RIPOR1: variants seen among roughly 807,000 people sequenced by gnomAD.
RIPOR1 encodes the protein RHO family interacting cell polarization regulator 1, also known as rho family-interacting cell polarization regulator 1.
In RIPOR1, 58 loss-of-function variants were observed where a neutral mutation model predicts 116.5. The observed-to-expected ratio is 0.50, with a 90% confidence interval of 0.40 to 0.62. The LOEUF (loss-of-function observed/expected upper bound fraction) is 0.62, where lower values mean the gene tolerates loss of function less well. Among genes scored for constraint, RIPOR1 ranks in the 20% least tolerant of loss-of-function variants. The pLI is 0.00. For synonymous variants in RIPOR1, 605 were observed against 650.0 expected (o/e 0.93, Z 1.05); for missense variants, 1,372 against 1,586.2 (o/e 0.86, Z 2.29).
In RIPOR1 at chr16:67,545,759, C is replaced by T. The variant is rs369188052; in HGVS notation, c.3286C>T (p.Arg1096Trp). The change falls in exon 19 of 22, where the codon CGG becomes TGG. Residue 1096 changes from arginine (R) to tryptophan (W), a missense_variant. Arg to Trp is a moderately radical substitution (Grantham distance 101, BLOSUM62 -3). Transcript: ENST00000042381. The surrounding 1 kb of genome is among the most constrained non-coding windows in gnomAD (Gnocchi z 4.8). ...PEGRLRRDGL[R>W]ALSSLLVHGN... ...GGGGCGTCTGCGAAGGGACGGGCTG[C>T]GGGCCCTCAGCTCCCTGCTCGTCCA... 1.0e-4 allele frequency: 164 copies of T among 1,612,202 alleles called. No homozygotes were observed. Among genetic ancestry groups the T allele is most frequent in the South Asian group, 1.2e-4 (11 of 90,778 alleles).
upstream of RIPOR1, among the ~76,000 whole-genome samples, chr16:67,526,212 T>G (rs2050538634): frequency 6.6e-6 from 1 of 152,086 alleles, no homozygotes; most frequent in Non-Finnish European, 1.5e-5. Context: ...TGAGCTGTTT[T>G]CCAAGTGGAT....
At position 67,542,722 on chromosome 16, in the gene RIPOR1, A is replaced by C; in HGVS notation, c.1936A>C (p.Ser646Arg). 1.9e-6 allele frequency: 3 copies of C among 1,611,886 alleles called. No individual in the cohort carries two copies. The highest frequency in any genetic ancestry group is 2.5e-6 in the Non-Finnish European group (3 of 1,179,578). The change falls in exon 13 of 22, where the codon AGT becomes CGT. Residue 646 changes from serine to arginine, a missense_variant. Ser to Arg is a moderately radical substitution (Grantham distance 110). Transcript: ENST00000042381. The surrounding 1 kb of genome is among the most constrained non-coding windows in gnomAD (Gnocchi z 4.6). Reference protein sequence around the residue: ...SPPTTTSPTPSGMGLVQTATS... With the variant: ...SPPTTTSPTPRGMGLVQTATS... Reference sequence around the variant, plus strand: ...TCCCACCACTACAAGTCCTACCCCCAGTGGTATGGGCCTAGTCCAGACTGC... The same window carrying C: ...TCCCACCACTACAAGTCCTACCCCCCGTGGTATGGGCCTAGTCCAGACTGC...
intron 1 of RIPOR1, among the ~76,000 whole-genome samples, chr16:67,532,504 C>T (rs1418948386): frequency 2.6e-5 from 4 of 152,070 alleles, no homozygotes; most frequent in South Asian, 2.1e-4. Context: ...TCCACCTCAA[C>T]GTCCCTACCC....
In RIPOR1 at chr16:67,544,001, A is replaced by C. The variant is rs1018279769; in HGVS notation, c.2601-298A>C. ...CCCAGGCTACAGCCCCATGCCCTGC[A>C]CCCTTTGCAGTCCACTTGTCATAAA... On this transcript the variant is annotated intron_variant, in intron 14 of 21. Transcript: ENST00000042381. This position sits in a 1 kb window ranked among gnomAD's most constrained non-coding sequence, Gnocchi z 5.1. Among the ~76,000 whole-genome samples the C allele has an allele frequency of 3.3e-5, 5 of 151,472 alleles. No homozygotes were observed. Among genetic ancestry groups the C allele is most frequent in the Admixed American group, 6.6e-5 (1 of 15,188 alleles).
In RIPOR1 at chr16:67,530,126, G is replaced by A; in HGVS notation, c.-24+1212G>A. ...GGGGTCTGGGTTTGGGTGCGGGTGA[G>A]GGGAGGACTCAGGACTCTGGGCTGG... On this transcript the variant is annotated intron_variant, in intron 1 of 21. Coordinates refer to ENST00000042381, the MANE Select transcript of RIPOR1 (RefSeq NM_024519.4). The surrounding 1 kb of genome is among the most constrained non-coding windows in gnomAD (Gnocchi z 4.5). The A allele has an allele frequency of 1.8e-6, 1 of 553,410 alleles. No homozygotes were observed. Among genetic ancestry groups the A allele is most frequent in the Non-Finnish European group, 3.3e-6 (1 of 307,198 alleles). 34.3% of individuals were successfully genotyped at this position (553,410 alleles called of 1,614,324 possible). A position where few individuals can be genotyped will look rare whatever the true frequency, so the allele number is the denominator to read the frequency against.
In RIPOR1 at chr16:67,544,933, C is replaced by T. The variant is rs369859097; in HGVS notation, c.2870-23C>T. ...TACTCACCTGCCTGCCTGTTGCTGACGGTTTCCCTCACCCCCTCACAGTGG... is the reference window on the plus strand; with the variant it reads ...TACTCACCTGCCTGCCTGTTGCTGATGGTTTCCCTCACCCCCTCACAGTGG... On this transcript the variant is annotated intron_variant, in intron 16 of 21. Transcript: ENST00000042381. The surrounding 1 kb of genome is among the most constrained non-coding windows in gnomAD (Gnocchi z 5.1). 39 of 1,608,902 alleles carry T rather than the reference C, an allele frequency of 2.4e-5. No homozygotes were observed. The East Asian group carries it at 4.5e-4, about 18-fold the overall frequency.
In RIPOR1 at chr16:67,529,924, G is replaced by A; in HGVS notation, c.-24+1010G>A. ...AAGCGAGGATTAGATCTGAGTCCTT[G>A]CCCCTGCGACACCCACCTCCGTGGT... is the stretch of plus-strand genomic sequence containing the variant. On this transcript the variant is annotated intron_variant, in intron 1 of 21. Coordinates refer to ENST00000042381, the MANE Select transcript of RIPOR1 (RefSeq NM_024519.4). The surrounding 1 kb of genome is among the most constrained non-coding windows in gnomAD (Gnocchi z 4.1). 1 of 1,099,614 alleles carries A rather than the reference G, an allele frequency of 9.1e-7. No homozygotes were observed. The highest frequency in any genetic ancestry group is 1.3e-6 in the Non-Finnish European group (1 of 748,188). 68.1% of individuals were successfully genotyped at this position (1,099,614 alleles called of 1,614,324 possible). A position where few individuals can be genotyped will look rare whatever the true frequency, so the allele number is the denominator to read the frequency against.
At position 67,529,834 on chromosome 16, in the gene RIPOR1, G is replaced by C. The variant is rs778032470; in HGVS notation, c.-24+920G>C. On this transcript the variant is annotated intron_variant, in intron 1 of 21. Coordinates refer to ENST00000042381, the MANE Select transcript of RIPOR1 (RefSeq NM_024519.4). This position sits in a 1 kb window ranked among gnomAD's most constrained non-coding sequence, Gnocchi z 4.1. ...ATCTGAGGAGGGTTATGACCATCTG[G>C]CAGATGCAGAAACAGGCCCAGAGAG... is the stretch of plus-strand genomic sequence containing the variant. The C allele has an allele frequency of 6.5e-7, 1 of 1,535,794 alleles. No individual in the cohort carries two copies. Among genetic ancestry groups the C allele is most frequent in the South Asian group, 1.2e-5 (1 of 84,056 alleles).
Position 67,537,521 on chromosome 16 carries a change from C to A in RIPOR1, c.-23-903C>A. ...AGCCCAGCCGGGCGGCTCGAAGTGG[C>A]CAGGGCCGGAAGGTCCGCGGGGGGC... is the stretch of plus-strand genomic sequence containing the variant. On this transcript the variant is annotated intron_variant, in intron 1 of 21. Transcript: ENST00000042381. This position sits in a 1 kb window ranked among gnomAD's most constrained non-coding sequence, Gnocchi z 4.6. The A allele has an allele frequency of 7.7e-7, 1 of 1,305,432 alleles. No homozygotes were observed. The allele number at this position is 1,305,432 out of a possible 1,614,324, so 80.9% of individuals were successfully genotyped here.
chr16:67,531,731 C>T lies in RIPOR1; in HGVS notation c.-24+2817C>T. On this transcript the variant is annotated intron_variant, in intron 1 of 21. Transcript: ENST00000042381. The surrounding 1 kb of genome is among the most constrained non-coding windows in gnomAD (Gnocchi z 4.2). Reference sequence around the variant, plus strand: ...GAGGGACAGGACAAATCCTGAAGGGCCTACGTGGGTCATGTTAGAGAGTCT... The same window carrying T: ...GAGGGACAGGACAAATCCTGAAGGGTCTACGTGGGTCATGTTAGAGAGTCT... 2.6e-6 allele frequency: 1 copy of T among 386,834 alleles called. No homozygotes were observed. The highest frequency in any genetic ancestry group is 1.9e-5 in the South Asian group (1 of 54,014). 24.0% of individuals were successfully genotyped at this position (386,834 alleles called of 1,614,324 possible).
Position 67,541,219 on chromosome 16 carries a change from A to C in RIPOR1, c.802-211A>C, listed in dbSNP as rs2050971307. 1.8e-6 allele frequency: 1 copy of C among 556,610 alleles called. No homozygotes were observed. Among genetic ancestry groups the C allele is most frequent in the African/African-American group, 1.9e-5 (1 of 52,490 alleles). The allele number at this position is 556,610 out of a possible 1,614,324, so 34.5% of individuals were successfully genotyped here. On this transcript the variant is annotated intron_variant, in intron 10 of 21. Coordinates refer to ENST00000042381, the MANE Select transcript of RIPOR1 (RefSeq NM_024519.4). This position sits in a 1 kb window ranked among gnomAD's most constrained non-coding sequence, Gnocchi z 4.6. ...TAGCTGGGACTACAGGTGCACCACC[A>C]TGCCTGGCTAAAAATTTTTTTTTTT...
chr16:67,534,835 C>CTTTTT (rs553858194), intron 1 of RIPOR1, among the ~76,000 whole-genome samples: 29 of 79,022 alleles, frequency 3.7e-4, no homozygotes, highest in East Asian at 7.5e-4. Context: ...TTCTTTTTTT[C>CTTTTT]TTTTTTTTTT....
chr16:67,542,459 C>G lies in RIPOR1; in HGVS notation c.1673C>G (p.Thr558Ser), dbSNP rs920605324. Residue 558 changes from threonine to serine, a missense_variant, in exon 13 of 22, where the codon ACT becomes AGT. This residue lies in a region of RIPOR1 where 1,005 missense variants were observed against 1,144.7 expected (regional missense o/e 0.88). Coordinates refer to ENST00000042381, the MANE Select transcript of RIPOR1 (RefSeq NM_024519.4). The surrounding 1 kb of genome is among the most constrained non-coding windows in gnomAD (Gnocchi z 4.6). ...GGCTCTACCTATAGTGCCATTACCACTACCCACAGTGCTCCAAGCCCCCTC... is the reference window on the plus strand; with the variant it reads ...GGCTCTACCTATAGTGCCATTACCAGTACCCACAGTGCTCCAAGCCCCCTC... The part of the protein sequence containing the change: ...TTGSTYSAIT[T>S]THSAPSPLTH... 6.2e-7 allele frequency: 1 copy of G among 1,613,950 alleles called. No homozygotes were observed. The highest frequency in any genetic ancestry group is 8.5e-7 in the Non-Finnish European group (1 of 1,179,956).
chr16:67,521,628 C>G (rs538730837), intron 1 of RIPOR1, among the ~76,000 whole-genome samples: 1 of 152,274 alleles, frequency 6.6e-6, no homozygotes, highest in South Asian at 2.1e-4. Flanking sequence ...TCAATCGCCC[C>G]ACCCCTTGCC....
chr16:67,545,315 C>G lies in RIPOR1; in HGVS notation c.3032-61C>G. 1 of 1,580,980 alleles carries G rather than the reference C, an allele frequency of 6.3e-7. No individual in the cohort carries two copies. Among genetic ancestry groups the G allele is most frequent in the Non-Finnish European group, 8.6e-7 (1 of 1,161,314 alleles). On this transcript the variant is annotated intron_variant, in intron 17 of 21. Coordinates refer to ENST00000042381, the MANE Select transcript of RIPOR1 (RefSeq NM_024519.4). The surrounding 1 kb of genome is among the most constrained non-coding windows in gnomAD (Gnocchi z 4.8). ...GGACCTGAGCCTGGGATAGGAGCAT[C>G]TCTCCCCTCTAAAAGCTGTGTTCAC... is the stretch of plus-strand genomic sequence containing the variant.
In RIPOR1 at chr16:67,537,114, C is replaced by T. The variant is rs965871880; in HGVS notation, c.-23-1310C>T. 6.6e-5 allele frequency among the ~76,000 whole-genome samples: 10 copies of T among 152,142 alleles called. No individual in the cohort carries two copies. The highest frequency in any genetic ancestry group is 5.9e-4 in the Admixed American group (9 of 15,280). The stretch of plus-strand genomic sequence containing the variant: ...ATTTTTAGTAGAGACGGGGTTTCAC[C>T]TTGTTGGTCAGGCTGATCTCGAATT... On this transcript the variant is annotated intron_variant, in intron 1 of 21. Transcript: ENST00000042381. This position sits in a 1 kb window ranked among gnomAD's most constrained non-coding sequence, Gnocchi z 4.6.
At chr16:67,526,184 C>T (rs2050538298), upstream of RIPOR1, among the ~76,000 whole-genome samples, 1 of 152,086 alleles carries the variant, frequency 6.6e-6, no homozygotes, top group African/African-American at 2.4e-5. Flanking sequence ...ACACAGGTTC[C>T]CTGGAGGAAG....
Position 67,540,188 on chromosome 16 carries a change from C to T in RIPOR1, c.550C>T (p.His184Tyr). ...RDSLAEATRGHREYTESMCLL... is the reference protein window; with the variant it reads ...RDSLAEATRGYREYTESMCLL... ...CAGCCTGGCAGAGGCCACTCGGGGG[C>T]ATCGCGAGTACACGGAGGTGAGGGA... is the stretch of plus-strand genomic sequence containing the variant. Residue 184 changes from histidine to tyrosine, a missense_variant, in exon 7 of 22, where the codon CAT becomes TAT. This residue lies in a region of RIPOR1 where 202 missense variants were observed against 295.9 expected (regional missense o/e 0.68). Transcript: ENST00000042381. The surrounding 1 kb of genome is among the most constrained non-coding windows in gnomAD (Gnocchi z 4.7). 1 of 1,614,106 alleles carries T rather than the reference C, an allele frequency of 6.2e-7. No individual in the cohort carries two copies. The highest frequency in any genetic ancestry group is 8.5e-7 in the Non-Finnish European group (1 of 1,179,982).
In RIPOR1 at chr16:67,543,108, CCAGACCCCA is replaced by C. The variant is rs1555528070; in HGVS notation, c.2323_2331del (p.Gln775_Pro777del). The C allele has an allele frequency of 6.6e-7, 1 of 1,523,690 alleles. No individual in the cohort carries two copies. The highest frequency in any genetic ancestry group is 8.8e-7 in the Non-Finnish European group (1 of 1,138,122). The allele number at this position is 1,523,690 out of a possible 1,614,324, so 94.4% of individuals were successfully genotyped here. On this transcript the variant is annotated inframe_deletion, in exon 13 of 22. Coordinates refer to ENST00000042381, the MANE Select transcript of RIPOR1 (RefSeq NM_024519.4). This position sits in a 1 kb window ranked among gnomAD's most constrained non-coding sequence, Gnocchi z 4.7. ...CAGACCTTTGCCTGGCCATGGCTGT[CCAGACCCCA>C]GTCCCAACGGCAGCCGGAGGGTCTG... is the stretch of plus-strand genomic sequence containing the variant.
Sources: allele counts gnomAD v4.1 joint callset (sites outside exome capture counted in the v4.1 genomes callset), GRCh38; gene constraint gnomAD v4.1.1; regional missense constraint gnomAD v4.1.1; non-coding constraint Gnocchi (gnomAD v3.1); transcripts MANE v1.5; gene names NCBI Gene and HGNC (gene_info 2026-07-23, HGNC 2026-07-21).